The following CFAP99 variants were observed in gnomAD, a reference collection of about 807,000 sequenced individuals.
CFAP99 encodes cilia and flagella associated protein 99.
A neutral mutation model predicts 82.7 loss-of-function variants in CFAP99; 84 were observed. That is an observed-to-expected ratio of 1.02 (90% CI 0.85 to 1.22). The LOEUF is 1.22. Among genes scored for constraint, CFAP99 ranks in the 50% most tolerant of loss-of-function variants. The probability of loss-of-function intolerance (pLI) is 0.00; values close to 1 mark genes in which losing one functional copy is unlikely to be tolerated. For missense variants in CFAP99, 1,059 were observed against 983.5 expected, an observed-to-expected ratio of 1.08 and a Z score of -1.03; for synonymous variants, 456 against 429.5, an observed-to-expected ratio of 1.06 and a Z score of -0.76.
intron 13 of CFAP99, among the ~76,000 whole-genome samples, chr4:2,459,506 G>A (rs1339503416): frequency 2.6e-5 from 4 of 152,244 alleles, no homozygotes; most frequent in Non-Finnish European, 5.9e-5. Context: ...TGGCCAAGGT[G>A]GGCTTCACAG....
intron 10 of CFAP99, among the ~76,000 whole-genome samples, 182 bp downstream of exon 10, chr4:2,451,534 A>G (rs1448874685): frequency 6.6e-6 from 1 of 152,078 alleles, no homozygotes; most frequent in Non-Finnish European, 1.5e-5. Flanking sequence ...GGTGCATCTT[A>G]CAAAGATCAT....
Position 2,458,703 on chromosome 4 carries a change from C to G in CFAP99, c.1162-20C>G. On this transcript the variant is annotated intron_variant, in intron 11 of 14. Transcript: ENST00000635017. ...GCCGGAGCAGCCCCACTCACCGTGG[C>G]AGGTCCGCTGTCTGGGCAGATGGCC... 6.6e-7 allele frequency: 1 copy of G among 1,524,354 alleles called. No individual in the cohort carries two copies. Among genetic ancestry groups the G allele is most frequent in the Non-Finnish European group, 8.8e-7 (1 of 1,139,856 alleles). 94.4% of individuals were successfully genotyped at this position (1,524,354 alleles called of 1,614,324 possible).
At chr4:2,437,299 C>G (rs1487503758) in intron 3 of CFAP99, among the ~76,000 whole-genome samples, 3 of 152,202 alleles carry the variant, frequency 2.0e-5, no homozygotes, top group Non-Finnish European at 4.4e-5. Flanking sequence ...GAGAGCCTTC[C>G]GTAGGCTGAC....
intron 4 of CFAP99, 130 bp downstream of exon 4, chr4:2,438,294 A>T (rs28599556): frequency 1.9e-5 from 12 of 631,242 alleles, no homozygotes; most frequent in Non-Finnish European, 2.8e-5. Flanking sequence ...ACGGAGTCTC[A>T]CTCTGTCGCC....
At chr4:2,453,496 TGA>T (rs1734349108) in intron 11 of CFAP99, among the ~76,000 whole-genome samples, 1 of 152,144 alleles carries the variant, frequency 6.6e-6, no homozygotes, top group Non-Finnish European at 1.5e-5. Context: ...CACCAAAGTG[TGA>T]GAGGGGTCTG....
chr4:2,438,026 C>G lies in CFAP99; in HGVS notation c.257-44C>G, dbSNP rs1400365184. Reference sequence around the variant, plus strand: ...CTCCGGTCCCGCCGTGTGCCTGGTGCCCCGTGACGTCCCTTAGCCTCTGAC... The same window carrying G: ...CTCCGGTCCCGCCGTGTGCCTGGTGGCCCGTGACGTCCCTTAGCCTCTGAC... On this transcript the variant is annotated intron_variant, in intron 3 of 14. Transcript: ENST00000635017. 3.4e-6 allele frequency: 4 copies of G among 1,162,210 alleles called. No homozygotes were observed. The East Asian group carries it at 1.1e-4, about 32-fold the overall frequency. 72.0% of individuals were successfully genotyped at this position (1,162,210 alleles called of 1,614,324 possible).
At chr4:2,423,754 G>C (rs76737216) in intron 1 of CFAP99, among the ~76,000 whole-genome samples, 3,123 of 152,320 alleles carry the variant, frequency 0.021, 84 homozygotes, top group African/African-American at 0.065. Flanking sequence ...GTGGATTTGC[G>C]GGTTTAATGG....
chr4:2,455,708 G>A (rs1011024948), intron 11 of CFAP99, among the ~76,000 whole-genome samples: 3 of 151,936 alleles, frequency 2.0e-5, no homozygotes, highest in African/African-American at 4.8e-5. Context: ...AGAAAATGCC[G>A]CTCTCCTCAC....
At chr4:2,452,481 T>C (rs1734329008) in intron 11 of CFAP99, 135 bp downstream of exon 11, 2 of 926,268 alleles carry the variant, frequency 2.2e-6, no homozygotes, top group Non-Finnish European at 3.2e-6. Flanking sequence ...GTGTTGGTCC[T>C]GGCTCCTCTT....
intron 1 of CFAP99, among the ~76,000 whole-genome samples, chr4:2,420,441 C>T (rs930192324): frequency 9.9e-5 from 15 of 152,270 alleles, no homozygotes; most frequent in African/African-American, 3.1e-4. Context: ...CCAAAGCCAT[C>T]ATTTCTTCAG....
At chr4:2,438,348 T>C (rs80072321) in intron 4 of CFAP99, among the ~76,000 whole-genome samples, 184 bp downstream of exon 4, 55,290 of 152,002 alleles carry the variant, frequency 0.36, 10,427 homozygotes, top group East Asian at 0.52. Flanking sequence ...CTGCAAACTC[T>C]GCCTCCCGGG....
chr4:2,426,548 C>T (rs1039621344), exon 2 of CFAP99: 2 of 1,536,024 alleles, frequency 1.3e-6, no homozygotes, highest in East Asian at 2.4e-5. Flanking sequence ...GAGGGACAAC[C>T]CTGAGCAGTT....
At chr4:2,433,062 G>A (rs11248106) in intron 2 of CFAP99, among the ~76,000 whole-genome samples, 19,024 of 152,052 alleles carry the variant, frequency 0.13, 1,262 homozygotes, top group Non-Finnish European at 0.15. Context: ...CAGTGGCAAG[G>A]ACCTGGCCGT....
chr4:2,440,983 A>T (rs976980914), intron 4 of CFAP99, among the ~76,000 whole-genome samples: 5 of 151,752 alleles, frequency 3.3e-5, no homozygotes, highest in Non-Finnish European at 7.4e-5. Flanking sequence ...ACTTGAGCCC[A>T]GGAGTTTGAG....
At chr4:2,458,693 C>T in intron 11 of CFAP99, 30 bp from the exon 12 acceptor site, 1 of 1,519,786 alleles carries the variant, frequency 6.6e-7, no homozygotes, top group Non-Finnish European at 8.8e-7. Flanking sequence ...AGCAGCCCCA[C>T]TCACCGTGGC....
exon 6 of CFAP99, chr4:2,445,203 G>C: frequency 1.4e-6 from 2 of 1,458,958 alleles, no homozygotes; most frequent in South Asian, 2.8e-5. Flanking sequence ...CTCCTTTAAA[G>C]ACCAAGGCCA....
intron 6 of CFAP99, among the ~76,000 whole-genome samples, chr4:2,445,889 G>A (rs1010097241): frequency 6.6e-6 from 1 of 152,240 alleles, no homozygotes; most frequent in African/African-American, 2.4e-5. Flanking sequence ...AGGTGCATGA[G>A]AGGACACCTG....
chr4:2,434,041 C>T (rs1221763598), intron 2 of CFAP99, among the ~76,000 whole-genome samples: 1 of 152,114 alleles, frequency 6.6e-6, no homozygotes, highest in Non-Finnish European at 1.5e-5. Flanking sequence ...CAGCTGGGGT[C>T]CCCCAGCCGA....
intron 2 of CFAP99, among the ~76,000 whole-genome samples, chr4:2,434,502 C>T (rs563986249): frequency 1.3e-5 from 2 of 152,306 alleles, no homozygotes; most frequent in African/African-American, 4.8e-5. Flanking sequence ...CCTGGCGCTC[C>T]CAAGAGAAAG....
Sources: gnomAD v4.1 joint callset for allele counts (sites outside exome capture counted in the v4.1 genomes callset) on GRCh38, gnomAD v4.1.1 for gene constraint, MANE v1.5 for transcripts, NCBI Gene and HGNC (gene_info 2026-07-23, HGNC 2026-07-21) for gene names.